The following FARP2 variants were observed in gnomAD, a reference collection of about 807,000 sequenced individuals.
FARP2 encodes the protein FERM, ARH/RhoGEF and pleckstrin domain protein 2.
FARP2 carries 111 observed loss-of-function variants against 130.5 expected under a neutral mutation model. That is an observed-to-expected ratio of 0.85 (90% CI 0.73 to 1.00). The LOEUF (loss-of-function observed/expected upper bound fraction) is 1.00. FARP2 is among the 50% of genes least tolerant of loss of function. The pLI, the probability that FARP2 is intolerant of heterozygous loss-of-function variation, is 0.00. For missense variants in FARP2, 1,385 were observed against 1,346.3 expected (o/e 1.03, Z -0.45); for synonymous variants, 504 against 516.9 (o/e 0.98, Z 0.34).
intron 1 of FARP2, among the ~76,000 whole-genome samples, chr2:241,363,065 A>AG (rs2061225973): frequency 6.6e-6 from 1 of 152,228 alleles, no homozygotes; most frequent in Non-Finnish European, 1.5e-5. Context: ...CGGATGGGAG[A>AG]GAAGGCCAGA....
chr2:241,394,131 C>T (rs1243034033), intron 2 of FARP2, among the ~76,000 whole-genome samples: 1 of 152,182 alleles, frequency 6.6e-6, no homozygotes, highest in Non-Finnish European at 1.5e-5. Context: ...ACTTTGGGAA[C>T]ATGCAGTGAT....
At chr2:241,489,724 A>C (rs1574915815) in intron 21 of FARP2, 1 of 414,462 alleles carries the variant, frequency 2.4e-6, no homozygotes, top group Non-Finnish European at 4.3e-6. Flanking sequence ...ATAGTGCTGG[A>C]CCCCCCGGTG....
chr2:241,489,831 G>T, intron 21 of FARP2, 131 bp from the exon 22 acceptor site: 1 of 635,398 alleles, frequency 1.6e-6, no homozygotes, highest in Non-Finnish European at 2.9e-6. Context: ...TGTAGAGTCT[G>T]TGTGCACTTG....
intron 2 of FARP2, among the ~76,000 whole-genome samples, chr2:241,399,160 T>C (rs2062099862): frequency 1.3e-5 from 2 of 152,226 alleles, no homozygotes; most frequent in Middle Eastern, 3.2e-3. Context: ...TGTCCAACTT[T>C]TCTTGTTGTT....
Position 241,361,016 on chromosome 2 carries a change from C to T in FARP2, c.-25+4628C>T, listed in dbSNP as rs953490816. Among the ~76,000 whole-genome samples the T allele has an allele frequency of 1.4e-5, 2 of 144,978 alleles. 1 individual carries two copies. The highest frequency in any genetic ancestry group is 3.0e-5 in the Non-Finnish European group (2 of 65,822). ...CAGGTAAATCCTGTTTCGCACAATT[C>T]CATTCAAAAAAGAAAAAAAAAAAAA... On this transcript the variant is annotated intron_variant, in intron 1 of 26. Coordinates refer to ENST00000264042, the MANE Select transcript of FARP2 (RefSeq NM_014808.4).
chr2:241,425,660 AAAGT>A, intron 8 of FARP2, among the ~76,000 whole-genome samples: 4 of 149,390 alleles, frequency 2.7e-5, no homozygotes, highest in Non-Finnish European at 4.5e-5. Context: ...AAAAAAAAAA[AAAGT>A]AGCCCAGGAC....
intron 7 of FARP2, 127 bp downstream of exon 7, chr2:241,413,548 A>C: frequency 1.4e-6 from 1 of 690,058 alleles, no homozygotes; most frequent in Middle Eastern, 2.7e-4. Flanking sequence ...TCCTGGCCTC[A>C]GGATGTGCAG....
At chr2:241,377,885 T>C (rs1458305370) in intron 2 of FARP2, among the ~76,000 whole-genome samples, 2 of 152,198 alleles carry the variant, frequency 1.3e-5, no homozygotes, top group Non-Finnish European at 2.9e-5. Context: ...GTAGAATTGC[T>C]GGGTCACATG....
intron 2 of FARP2, among the ~76,000 whole-genome samples, chr2:241,388,020 A>G (rs1455451318): frequency 2.0e-5 from 3 of 152,214 alleles, no homozygotes; most frequent in Admixed American, 1.3e-4. Flanking sequence ...CAGATTCAAT[A>G]TGATTTCCAT....
At chr2:241,480,364 A>C (rs2064583852) in intron 19 of FARP2, among the ~76,000 whole-genome samples, 1 of 152,148 alleles carries the variant, frequency 6.6e-6, no homozygotes, top group Non-Finnish European at 1.5e-5. Context: ...ACAATTTATA[A>C]AAGCCTTTCT....
chr2:241,400,857 A>G (rs1030473369), intron 2 of FARP2, among the ~76,000 whole-genome samples: 1 of 152,188 alleles, frequency 6.6e-6, no homozygotes, highest in African/African-American at 2.4e-5. Context: ...GAGTTAGTGC[A>G]GCATACTCCA....
chr2:241,491,930 G>A (rs2064929204), intron 24 of FARP2, among the ~76,000 whole-genome samples: 1 of 152,166 alleles, frequency 6.6e-6, no homozygotes, highest in Non-Finnish European at 1.5e-5. Context: ...TCAGGGCCTG[G>A]AGCTGGTGTG....
chr2:241,427,972 T>C (rs2062993122), intron 8 of FARP2, among the ~76,000 whole-genome samples: 1 of 152,032 alleles, frequency 6.6e-6, no homozygotes, highest in Non-Finnish European at 1.5e-5. Context: ...TTCACTGTGT[T>C]AGCCAGGATG....
At chr2:241,444,821 G>C (rs2063475594) in intron 13 of FARP2, 1 of 152,168 alleles carries the variant, frequency 6.6e-6, no homozygotes, top group East Asian at 1.9e-4. Context: ...ATACAAAGCA[G>C]GAATGTAAGG....
In FARP2 at chr2:241,493,367, C is replaced by A; in HGVS notation, c.2970C>A (p.His990Gln). ...VSIPREADGI[H>Q]KDYVFKLQFK... ...TCCCCAGGGAGGCCGATGGCATACA[C>A]AAAGACTATGTTTTCAAGCTCCAGT... The change falls in exon 26 of 27, where the codon CAC (histidine) becomes CAA (glutamine). Residue 990 changes from histidine to glutamine, a missense_variant. Physicochemically the swap from His to Gln is conservative, Grantham distance 24. Coordinates refer to ENST00000264042, the MANE Select transcript of FARP2 (RefSeq NM_014808.4). 1 of 1,613,996 alleles carries A rather than the reference C, an allele frequency of 6.2e-7. No homozygotes were observed. The highest frequency in any genetic ancestry group is 8.5e-7 in the Non-Finnish European group (1 of 1,179,960).
At chr2:241,443,454 T>TG (rs1311549038) in intron 13 of FARP2, 4 of 152,414 alleles carry the variant, frequency 2.6e-5, no homozygotes, top group Non-Finnish European at 4.4e-5. Context: ...AGACACACCA[T>TG]GGGCATCATT....
At chr2:241,447,381 G>C (rs1021923378) in intron 13 of FARP2, among the ~76,000 whole-genome samples, 1 of 152,116 alleles carries the variant, frequency 6.6e-6, no homozygotes, top group East Asian at 1.9e-4. Context: ...AAGGTGCCTT[G>C]CTTCTTCTTG....
chr2:241,380,646 AT>A (rs1218842839), intron 2 of FARP2, among the ~76,000 whole-genome samples: 2 of 151,332 alleles, frequency 1.3e-5, no homozygotes, highest in Admixed American at 6.6e-5. Context: ...AATTTTTTGA[AT>A]TTTGGAGCAT....
Position 241,459,133 on chromosome 2 carries a change from G to A in FARP2, c.1587+2211G>A, listed in dbSNP as rs1373428033. Among the ~76,000 whole-genome samples, 1 of 152,202 alleles carries A rather than the reference G, an allele frequency of 6.6e-6. No individual in the cohort carries two copies. Among genetic ancestry groups the A allele is most frequent in the Non-Finnish European group, 1.5e-5 (1 of 68,044 alleles). Reference sequence around the variant, plus strand: ...GCAAGGCTGTTGCCCAGCACAGGTGGGCTCCGAGATGGCAAGGATGGCCCT... The same window carrying A: ...GCAAGGCTGTTGCCCAGCACAGGTGAGCTCCGAGATGGCAAGGATGGCCCT... On this transcript the variant is annotated intron_variant, in intron 14 of 26. Transcript: ENST00000264042. This position sits in a 1 kb window ranked among gnomAD's most constrained non-coding sequence, Gnocchi z 5.3.
Sources: allele counts gnomAD v4.1 joint callset (sites outside exome capture counted in the v4.1 genomes callset), GRCh38; gene constraint gnomAD v4.1.1; non-coding constraint Gnocchi (gnomAD v3.1); transcripts MANE v1.5; gene names NCBI Gene and HGNC (gene_info 2026-07-23, HGNC 2026-07-21).